TGFB2: variants seen among roughly 807,000 people sequenced by gnomAD.
TGFB2 encodes transforming growth factor beta 2.
A neutral mutation model predicts 42.7 loss-of-function variants in TGFB2; 13 were observed. That is an observed-to-expected ratio of 0.30 (90% CI 0.20 to 0.48). The LOEUF is 0.48. TGFB2 is among the 20% of genes least tolerant of loss of function. The probability of loss-of-function intolerance (pLI) is 0.99; values close to 1 mark genes in which losing one functional copy is unlikely to be tolerated. For synonymous variants in TGFB2, 193 were observed against 193.6 expected (o/e 1.00, Z 0.03); for missense variants, 390 against 517.5 (o/e 0.75, Z 2.39).
intron 1 of TGFB2, among the ~76,000 whole-genome samples, chr1:218,383,991 C>T (rs997112303): frequency 3.3e-5 from 5 of 152,048 alleles, no homozygotes; most frequent in South Asian, 2.1e-4. Flanking sequence ...TCATTTATGA[C>T]GATTTTGTGG....
chr1:218,383,959 C>T (rs572849847), intron 1 of TGFB2, among the ~76,000 whole-genome samples: 151 of 152,352 alleles, frequency 9.9e-4, no homozygotes, highest in Middle Eastern at 3.4e-3. Context: ...CCCTTTCCTT[C>T]CTTTCCACGT....
rs28689770 is a variant in TGFB2 at position 218,410,075 on chromosome 1, C to T, written c.510+4743C>T. Among the ~76,000 whole-genome samples the T allele has an allele frequency of 8.0e-3, 1,225 of 152,274 alleles. 15 individuals carry two copies. The highest frequency in any genetic ancestry group is 0.028 in the African/African-American group (1,167 of 41,554). On this transcript the variant is annotated intron_variant, in intron 2 of 6. Coordinates refer to ENST00000366930, the MANE Select transcript of TGFB2 (RefSeq NM_003238.6). ...CTGGAAAGGAAAATGAGAGTTGCCT[C>T]GGCACAGATGTTGGTTTCAAAGAGC... is the stretch of plus-strand genomic sequence containing the variant.
intron 1 of TGFB2, among the ~76,000 whole-genome samples, chr1:218,394,398 T>C (rs562354659): frequency 2.6e-5 from 4 of 152,226 alleles, no homozygotes; most frequent in Non-Finnish European, 5.9e-5. Context: ...AACTTTGGAA[T>C]AGAAACTGGA....
At chr1:218,388,451 C>T (rs748556660) in intron 1 of TGFB2, among the ~76,000 whole-genome samples, 25 of 152,298 alleles carry the variant, frequency 1.6e-4, no homozygotes, top group South Asian at 8.3e-4. Flanking sequence ...TCTGAGTCTC[C>T]GCTGTGCCCA....
chr1:218,420,203 C>T (rs1186535142), intron 2 of TGFB2, among the ~76,000 whole-genome samples: 2 of 152,168 alleles, frequency 1.3e-5, no homozygotes, highest in African/African-American at 4.8e-5. Context: ...AGGTCATTGT[C>T]AAAATTTATA....
chr1:218,442,834 G>A lies in TGFB2; in HGVS notation c.*1472G>A, dbSNP rs1410609723. 1 of 152,062 alleles carries A rather than the reference G, an allele frequency of 6.6e-6. No homozygotes were observed. The highest frequency in any genetic ancestry group is 1.5e-5 in the Non-Finnish European group (1 of 67,966). 9.4% of individuals were successfully genotyped at this position (152,062 alleles called of 1,614,324 possible). A position where few individuals can be genotyped will look rare whatever the true frequency, so the allele number is the denominator to read the frequency against. On this transcript the variant is annotated 3_prime_UTR_variant, in exon 7 of 7. Coordinates refer to ENST00000366930, the MANE Select transcript of TGFB2 (RefSeq NM_003238.6). ...AGTAAAATGTTTTCATTTTAGCAAGGATTTAGGGTTCTAACTAAAACTCAG... is the reference window on the plus strand; with the variant it reads ...AGTAAAATGTTTTCATTTTAGCAAGAATTTAGGGTTCTAACTAAAACTCAG...
At chr1:218,369,576 G>C (rs1158556432) in intron 1 of TGFB2, among the ~76,000 whole-genome samples, 1 of 152,184 alleles carries the variant, frequency 6.6e-6, no homozygotes, top group South Asian at 2.1e-4. Flanking sequence ...CCTTCTGTGT[G>C]TGAAAATAAC....
chr1:218,424,385 G>A (rs993709259), intron 2 of TGFB2, among the ~76,000 whole-genome samples: 1 of 152,206 alleles, frequency 6.6e-6, no homozygotes, highest in African/African-American at 2.4e-5. Flanking sequence ...AGATATATAT[G>A]TGTAATTTGC....
At chr1:218,387,156 G>A (rs1372797010) in intron 1 of TGFB2, among the ~76,000 whole-genome samples, 1 of 152,112 alleles carries the variant, frequency 6.6e-6, no homozygotes, top group Non-Finnish European at 1.5e-5. Flanking sequence ...GACATGGCAT[G>A]GGTGTGGTGG....
chr1:218,368,978 C>T lies in TGFB2; in HGVS notation c.346+21931C>T, dbSNP rs143456854. On this transcript the variant is annotated intron_variant, in intron 1 of 6. Coordinates refer to ENST00000366930, the MANE Select transcript of TGFB2 (RefSeq NM_003238.6). ...AGCTGTTAAGAATGGTATGTTGGGC[C>T]GGGCACGGTGGCTCATGTCTGTAAT... Among the ~76,000 whole-genome samples, 1,015 of 152,032 alleles carry T rather than the reference C, an allele frequency of 6.7e-3. 7 individuals carry two copies. The highest frequency in any genetic ancestry group is 0.023 in the African/African-American group (959 of 41,476).
At chr1:218,427,279 T>C (rs1376748156) in intron 2 of TGFB2, among the ~76,000 whole-genome samples, 1 of 152,080 alleles carries the variant, frequency 6.6e-6, no homozygotes, top group Non-Finnish European at 1.5e-5. Context: ...TCTAATTACC[T>C]TCTACACCCC....
intron 1 of TGFB2, among the ~76,000 whole-genome samples, chr1:218,382,146 G>A: frequency 6.6e-6 from 1 of 152,000 alleles, no homozygotes; most frequent in East Asian, 1.9e-4. Flanking sequence ...TGAAAATTAA[G>A]CTATAGCATT....
chr1:218,415,938 A>T, intron 2 of TGFB2, among the ~76,000 whole-genome samples: 1 of 152,032 alleles, frequency 6.6e-6, no homozygotes, highest in South Asian at 2.1e-4. Context: ...AACATGGTTC[A>T]TATTTCCCCT....
At chr1:218,379,226 G>A (rs990451361) in intron 1 of TGFB2, among the ~76,000 whole-genome samples, 4 of 149,816 alleles carry the variant, frequency 2.7e-5, no homozygotes, top group African/African-American at 9.8e-5. Context: ...TCCGCCTCCC[G>A]GGTTCACGCC....
At chr1:218,351,439 G>A (rs750446757) in intron 1 of TGFB2, among the ~76,000 whole-genome samples, 5 of 152,220 alleles carry the variant, frequency 3.3e-5, no homozygotes, top group Admixed American at 3.3e-4. Context: ...TTATTGCATC[G>A]TTGCTTGTAC....
intron 1 of TGFB2, among the ~76,000 whole-genome samples, chr1:218,373,551 T>G (rs982521608): frequency 4.6e-5 from 7 of 151,956 alleles, no homozygotes; most frequent in Non-Finnish European, 1.0e-4. Context: ...TGGGCTAATC[T>G]CCATATTAGC....
intron 4 of TGFB2, 148 bp downstream of exon 4, chr1:218,434,596 A>T (rs1231514904): frequency 1.6e-6 from 1 of 613,806 alleles, no homozygotes; most frequent in Admixed American, 3.0e-5. Context: ...TTGGATATAC[A>T]TATGTGAAGG....
intron 1 of TGFB2, among the ~76,000 whole-genome samples, chr1:218,397,120 T>C (rs563599795): frequency 1.3e-5 from 2 of 151,262 alleles, no homozygotes; most frequent in Non-Finnish European, 2.9e-5. Flanking sequence ...TACAAAAAAT[T>C]AGCCAGGCGT....
chr1:218,435,950 C>T lies in TGFB2; in HGVS notation c.755-20C>T. The T allele has an allele frequency of 6.3e-7, 1 of 1,587,204 alleles. No individual in the cohort carries two copies. Among genetic ancestry groups the T allele is most frequent in the Non-Finnish European group, 8.6e-7 (1 of 1,169,410 alleles). On this transcript the variant is annotated intron_variant, in intron 4 of 6. Transcript: ENST00000366930. ...TGAAGGTGAAGCTAAATGTTTATTA[C>T]CCAAATGCATTTTTTCAAGGTATTG...
Sources: allele counts gnomAD v4.1 joint callset (sites outside exome capture counted in the v4.1 genomes callset), GRCh38; gene constraint gnomAD v4.1.1; transcripts MANE v1.5; gene names NCBI Gene and HGNC (gene_info 2026-07-23, HGNC 2026-07-21).